The following STXBP5 variants were observed in gnomAD, a reference collection of about 807,000 sequenced individuals.
STXBP5 encodes the protein syntaxin binding protein 5.
Under a neutral mutation model 152.4 loss-of-function variants are expected in STXBP5, and 50 were observed. The observed-to-expected ratio is 0.33, with a 90% CI of 0.26 to 0.42. The LOEUF is 0.42. Among genes scored for constraint, STXBP5 ranks in the 10% least tolerant of loss-of-function variants. The probability of loss-of-function intolerance (pLI) is 1.00; values close to 1 mark genes in which losing one functional copy is unlikely to be tolerated. For synonymous variants in STXBP5, 492 were observed against 494.7 expected (o/e 0.99, Z 0.07); for missense variants, 1,167 against 1,388.6 (o/e 0.84, Z 2.54).
chr6:147,302,048 T>C (rs1781846537), intron 9 of STXBP5, among the ~76,000 whole-genome samples: 1 of 152,184 alleles, frequency 6.6e-6, no homozygotes, highest in Admixed American at 6.5e-5. Flanking sequence ...ATGCCCAAGA[T>C]TGGACTTATC....
Position 147,244,987 on chromosome 6 carries a change from CTTTTTTTTTTTT to C in STXBP5, c.431+5730_431+5741del, listed in dbSNP as rs57889304. Among the ~76,000 whole-genome samples, 459 of 86,214 alleles carry C rather than the reference CTTTTTTTTTTTT, an allele frequency of 5.3e-3. 4 individuals are homozygous for C. Among genetic ancestry groups the C allele is most frequent in the African/African-American group, 0.023 (425 of 18,788 alleles). 56.6% of individuals were successfully genotyped at this position (86,214 alleles called of 152,430 possible). ...ATACTGCTTGAGGTTTGCTGAGCTG[CTTTTTTTTTTTT>C]TTTTTTTTTTTTAGAGGGAATCTTG... is the stretch of plus-strand genomic sequence containing the variant. On this transcript the variant is annotated intron_variant, in intron 4 of 27. Coordinates refer to ENST00000321680, the MANE Select transcript of STXBP5 (RefSeq NM_001127715.4).
intron 21 of STXBP5, among the ~76,000 whole-genome samples, chr6:147,346,772 A>C (rs564620168): frequency 6.6e-6 from 1 of 152,030 alleles, no homozygotes; most frequent in African/African-American, 2.4e-5. Flanking sequence ...CAGAAGTTCA[A>C]CTTTAGGCCT....
intron 25 of STXBP5, among the ~76,000 whole-genome samples, chr6:147,372,937 TA>T (rs764653524): frequency 2.5e-4 from 38 of 152,358 alleles, no homozygotes; most frequent in Non-Finnish European, 4.3e-4. Flanking sequence ...TATGTTGGCA[TA>T]ATTCTCTTCC....
chr6:147,286,371 C>T (rs926197254), intron 8 of STXBP5, among the ~76,000 whole-genome samples: 1 of 152,014 alleles, frequency 6.6e-6, no homozygotes, highest in Non-Finnish European at 1.5e-5. Flanking sequence ...AGTCAGTGTA[C>T]AAGTATATAT....
intron 8 of STXBP5, among the ~76,000 whole-genome samples, chr6:147,284,767 C>T (rs1490400135): frequency 1.3e-5 from 2 of 152,032 alleles, no homozygotes; most frequent in African/African-American, 4.8e-5. Context: ...CGCCTTTGGG[C>T]AAGTAGCAGG....
rs752237422 is a variant in STXBP5, at chr6:147,208,134, CTA to C, written c.248+2067_248+2068del. Among the ~76,000 whole-genome samples the C allele has an allele frequency of 3.5e-4, 53 of 151,982 alleles. No homozygotes were observed. The Middle Eastern group carries it at 0.014, about 39-fold the overall frequency. On this transcript the variant is annotated intron_variant, in intron 2 of 27. Transcript: ENST00000321680. ...TGTAATTATAGTTTGCAATTATACT[CTA>C]AAGTTTTTTTTTAGAACCTCCTTAC...
chr6:147,380,289 C>G (rs1786018372), intron 26 of STXBP5, among the ~76,000 whole-genome samples: 1 of 151,528 alleles, frequency 6.6e-6, no homozygotes, highest in African/African-American at 2.4e-5. Flanking sequence ...GTCATCAAGA[C>G]AGTGTGGTAC....
chr6:147,387,186 AAG>A lies in STXBP5; in HGVS notation c.*2435_*2436del, dbSNP rs1786381662. The stretch of plus-strand genomic sequence containing the variant: ...GTTATACTTGATTCTGTCTGTAGAT[AAG>A]AGACAGTCTACAGTAATAACTAACC... On this transcript the variant is annotated 3_prime_UTR_variant, in exon 28 of 28. Coordinates refer to ENST00000321680, the MANE Select transcript of STXBP5 (RefSeq NM_001127715.4). 6.6e-6 allele frequency: 1 copy of A among 151,710 alleles called. No homozygotes were observed. Among genetic ancestry groups the A allele is most frequent in the African/African-American group, 2.4e-5 (1 of 41,404 alleles). The allele number at this position is 151,710 out of a possible 1,614,324, so 9.4% of individuals were successfully genotyped here.
chr6:147,310,776 AACTG>A (rs1476960927), intron 10 of STXBP5, among the ~76,000 whole-genome samples: 1 of 152,200 alleles, frequency 6.6e-6, no homozygotes, highest in East Asian at 1.9e-4. Context: ...TAAGACGTTA[AACTG>A]ACTGAATGAG....
chr6:147,266,201 C>T (rs1245488111), intron 6 of STXBP5, among the ~76,000 whole-genome samples: 1 of 151,972 alleles, frequency 6.6e-6, no homozygotes, highest in Non-Finnish European at 1.5e-5. Context: ...AGAGCTCATA[C>T]CATGATGGAA....
Position 147,204,664 on chromosome 6 carries a change from G to A in STXBP5, c.132G>A (p.Glu44=), listed in dbSNP as rs763941350. 1.2e-6 allele frequency: 2 copies of A among 1,603,972 alleles called. No homozygotes were observed. Among genetic ancestry groups the A allele is most frequent in the East Asian group, 2.3e-5 (1 of 43,860 alleles). ...AGATCCAGGAAACGCTCCAGTCCGA[G>A]CACTTTCAGCTCTGCAAGGTGAACG... is the stretch of plus-strand genomic sequence containing the variant. ...EPEIQETLQS[E]HFQLCKTVRH... is the part of the protein sequence containing the mutation. The change falls in exon 1 of 28, where the codon GAG becomes GAA. Residue 44 remains glutamate (E), a synonymous_variant. Coordinates refer to ENST00000321680, the MANE Select transcript of STXBP5 (RefSeq NM_001127715.4). The surrounding 1 kb of genome is among the most constrained non-coding windows in gnomAD (Gnocchi z 4.3).
chr6:147,253,974 G>A (rs577339734), intron 4 of STXBP5, among the ~76,000 whole-genome samples: 43 of 152,048 alleles, frequency 2.8e-4, no homozygotes, highest in South Asian at 1.5e-3. Flanking sequence ...CAAAAAGCCC[G>A]TATAGCCAAG....
At chr6:147,229,100 C>T (rs754380070) in intron 2 of STXBP5, among the ~76,000 whole-genome samples, 5 of 152,000 alleles carry the variant, frequency 3.3e-5, no homozygotes, top group Non-Finnish European at 5.9e-5. Context: ...TGCAAAAATG[C>T]TAAACCTTTG....
intron 2 of STXBP5, among the ~76,000 whole-genome samples, chr6:147,217,941 T>C (rs1400224280): frequency 2.0e-5 from 3 of 152,204 alleles, no homozygotes; most frequent in Non-Finnish European, 2.9e-5. Context: ...TTTTCTTAAA[T>C]GAGATTAGCA....
At chr6:147,348,324 A>C (rs1262178125) in intron 21 of STXBP5, among the ~76,000 whole-genome samples, 1 of 151,832 alleles carries the variant, frequency 6.6e-6, no homozygotes, top group African/African-American at 2.4e-5. Context: ...CCTAGGATTT[A>C]AATCCTTTCC....
intron 17 of STXBP5, among the ~76,000 whole-genome samples, chr6:147,326,400 C>G (rs989324299): frequency 7.9e-5 from 12 of 152,092 alleles, no homozygotes; most frequent in Non-Finnish European, 8.8e-5. Context: ...ACTTAGAGCT[C>G]CAACTTAAAA....
intron 4 of STXBP5, 89 bp from the exon 5 acceptor site, chr6:147,260,526 G>T (rs1779591723): frequency 6.8e-7 from 1 of 1,480,926 alleles, no homozygotes; most frequent in Admixed American, 1.8e-5. Context: ...TGCTGTTCCT[G>T]AATTATATAT....
chr6:147,310,694 T>G (rs565109887), intron 10 of STXBP5, among the ~76,000 whole-genome samples: 2 of 152,262 alleles, frequency 1.3e-5, no homozygotes, highest in South Asian at 4.1e-4. Flanking sequence ...GATTGAAATT[T>G]CAGACATGGT....
chr6:147,303,066 A>C (rs1328858239), intron 9 of STXBP5, among the ~76,000 whole-genome samples: 1 of 152,182 alleles, frequency 6.6e-6, no homozygotes, highest in Non-Finnish European at 1.5e-5. Context: ...TTTCAGTAGT[A>C]TCTGTGTATA....
Sources: allele counts gnomAD v4.1 joint callset (sites outside exome capture counted in the v4.1 genomes callset), GRCh38; gene constraint gnomAD v4.1.1; non-coding constraint Gnocchi (gnomAD v3.1); transcripts MANE v1.5; gene names NCBI Gene and HGNC (gene_info 2026-07-23, HGNC 2026-07-21).